KDM3A: variants seen among roughly 807,000 people sequenced by gnomAD.
KDM3A encodes lysine demethylase 3A.
A neutral mutation model predicts 158.0 loss-of-function variants in KDM3A; 60 were observed. The observed-to-expected ratio is 0.38, with a 90% CI of 0.31 to 0.47. The LOEUF (loss-of-function observed/expected upper bound fraction) is 0.47. KDM3A is among the 20% of genes least tolerant of loss of function. KDM3A has a pLI of 0.99. For missense variants in KDM3A, 1,319 were observed against 1,574.3 expected, an observed-to-expected ratio of 0.84 and a Z score of 2.74; for synonymous variants, 608 against 549.3, an observed-to-expected ratio of 1.11 and a Z score of -1.49.
intron 4 of KDM3A, among the ~76,000 whole-genome samples, chr2:86,453,066 ATCT>A (rs1428287622): frequency 6.6e-6 from 1 of 152,178 alleles, no homozygotes; most frequent in East Asian, 1.9e-4. Context: ...CTGAATTTAC[ATCT>A]TTCCTGTATT....
At position 86,474,702 on chromosome 2, in the gene KDM3A, TGTGTGTGTGTG is replaced by T. The variant is rs1393209051; in HGVS notation, c.1725-73_1725-63del. 4.2e-4 allele frequency: 170 copies of T among 401,124 alleles called. 1 individual carries two copies. The highest frequency in any genetic ancestry group is 6.9e-4 in the Admixed American group (15 of 21,746). The allele number at this position is 401,124 out of a possible 1,614,324, so 24.8% of individuals were successfully genotyped here. ...AAGTAATTACAAGTTGTAAATAAGT[TGTGTGTGTGTG>T]TGTGTGTGTGTGTGTGTGTGTGTGT... On this transcript the variant is annotated intron_variant, in intron 11 of 25. Transcript: ENST00000312912.
intron 2 of KDM3A, among the ~76,000 whole-genome samples, chr2:86,445,487 C>T (rs1573137569): frequency 1.3e-5 from 2 of 152,128 alleles, no homozygotes; most frequent in Admixed American, 6.5e-5. Context: ...TCTTTGAAGC[C>T]TACCTTTTTC....
chr2:86,483,639 C>T (rs1291802202), intron 18 of KDM3A: 2 of 162,176 alleles, frequency 1.2e-5, no homozygotes, highest in Non-Finnish European at 2.7e-5. Flanking sequence ...ACGGTGGGGT[C>T]AGTCACCCTG....
intron 3 of KDM3A, among the ~76,000 whole-genome samples, chr2:86,450,724 T>G (rs1672421330): frequency 6.6e-6 from 1 of 152,138 alleles, no homozygotes; most frequent in Non-Finnish European, 1.5e-5. Context: ...TCTTGAGAGA[T>G]GAGGGTTGTG....
rs924419633 is a variant in KDM3A, at chr2:86,441,395, C to G, written c.-80C>G. 5 of 152,312 alleles carry G rather than the reference C, an allele frequency of 3.3e-5. No individual in the cohort carries two copies. Among genetic ancestry groups the G allele is most frequent in the African/African-American group, 7.2e-5 (3 of 41,444 alleles). The allele number at this position is 152,312 out of a possible 1,614,324, so 9.4% of individuals were successfully genotyped here. On this transcript the variant is annotated 5_prime_UTR_variant, in exon 1 of 26. Transcript: ENST00000312912. ...CAAGTCAGCGCTGGAGTCGGCTAGG[C>G]GGCTGGAAACGGCGGCTGCCGCCGG...
intron 8 of KDM3A, among the ~76,000 whole-genome samples, chr2:86,463,182 C>G (rs1356747998): frequency 6.6e-6 from 1 of 152,130 alleles, no homozygotes; most frequent in Non-Finnish European, 1.5e-5. Flanking sequence ...TTTGGAGATT[C>G]TTCAAGTTTA....
At chr2:86,439,590 ATATT>A (rs778914199), upstream of KDM3A, among the ~76,000 whole-genome samples, 2 of 152,098 alleles carry the variant, frequency 1.3e-5, no homozygotes, top group African/African-American at 2.4e-5. Flanking sequence ...TTTCAAATTA[ATATT>A]TAATTACATA....
intron 11 of KDM3A, among the ~76,000 whole-genome samples, chr2:86,473,303 G>A (rs1182373486): frequency 6.6e-6 from 1 of 152,266 alleles, no homozygotes; most frequent in Non-Finnish European, 1.5e-5. Flanking sequence ...TAGGACTACA[G>A]GCTTGTGCTA....
At chr2:86,465,214 G>C (rs971190266) in intron 9 of KDM3A, among the ~76,000 whole-genome samples, 3 of 152,194 alleles carry the variant, frequency 2.0e-5, no homozygotes, top group African/African-American at 7.2e-5. Flanking sequence ...TCCCTAGTAA[G>C]ATGTACAGGG....
At position 86,470,219 on chromosome 2, in the gene KDM3A, C is replaced by T. The variant is rs753743059; in HGVS notation, c.1535C>T (p.Ser512Leu). ...GTTTTCCTAGCCCCATCCAGGAAGT[C>T]GGTTTTGACAGACCCAGCTAAACTC... ...NKIQNAPSRK[S>L]VLTDPAKLKK... Residue 512 changes from serine (S) to leucine (L), a missense_variant, in exon 11 of 26, where the codon TCG (serine) becomes TTG (leucine). By Grantham distance (145) the Ser-to-Leu change is moderately radical (BLOSUM62 -2). This residue lies in a region of KDM3A where 652 missense variants were observed against 627.2 expected (regional missense o/e 1.04). Coordinates refer to ENST00000312912, the MANE Select transcript of KDM3A (RefSeq NM_018433.6). 9.9e-6 allele frequency: 16 copies of T among 1,613,868 alleles called. No individual in the cohort carries two copies. The highest frequency in any genetic ancestry group is 3.3e-5 in the Admixed American group (2 of 59,986).
intron 2 of KDM3A, among the ~76,000 whole-genome samples, chr2:86,443,691 C>G (rs567837123): frequency 6.6e-6 from 1 of 152,180 alleles, no homozygotes; most frequent in Non-Finnish European, 1.5e-5. Context: ...AACCATCAGG[C>G]CAGTGATCAA....
intron 23 of KDM3A, 98 bp from the exon 24 acceptor site, chr2:86,490,783 C>A: frequency 1.2e-6 from 1 of 826,074 alleles, no homozygotes; most frequent in Non-Finnish European, 1.9e-6. Flanking sequence ...TGAAGAAGGC[C>A]TGACATTTAT....
At chr2:86,481,864 A>G (rs1392113819) in intron 16 of KDM3A, 66 bp from the exon 17 acceptor site, 3 of 1,238,982 alleles carry the variant, frequency 2.4e-6, no homozygotes, top group Non-Finnish European at 3.5e-6. Context: ...TTCTGCTAGT[A>G]GAATACTAAT....
chr2:86,480,284 C>T lies in KDM3A; in HGVS notation c.2434C>T (p.Pro812Ser), dbSNP rs373927646. 1.2e-5 allele frequency: 19 copies of T among 1,613,956 alleles called. No individual in the cohort carries two copies. The highest frequency in any genetic ancestry group is 1.5e-5 in the Non-Finnish European group (18 of 1,180,032). Residue 812 changes from proline (P) to serine (S), a missense_variant, in exon 16 of 26, where the codon CCT becomes TCT. This residue lies in a region of KDM3A where 368 missense variants were observed against 415.8 expected (regional missense o/e 0.89). Coordinates refer to ENST00000312912, the MANE Select transcript of KDM3A (RefSeq NM_018433.6). ...CTCCAAGCCAGCCGGCAGCATGAAGCCTGCCTGTCCAGCCAGCACATCTCC... is the reference window on the plus strand; with the variant it reads ...CTCCAAGCCAGCCGGCAGCATGAAGTCTGCCTGTCCAGCCAGCACATCTCC... Reference protein sequence around the residue: ...AASKPAGSMKPACPASTSPLN... With the variant: ...AASKPAGSMKSACPASTSPLN...
rs749118305 is a variant in KDM3A at position 86,491,194 on chromosome 2, G to C, written c.3804G>C (p.Glu1268Asp). ...TGGCTGAAGATTTTGTTTCTCCAGA[G>C]CATGTTAAACACTGCTTCTGGCTTA... ...IKVAEDFVSP[E>D]HVKHCFWLTQ... The change falls in exon 25 of 26, where the codon GAG (glutamate) becomes GAC (aspartate). Residue 1268 changes from glutamate (E) to aspartate (D), a missense_variant. This residue lies in a region of KDM3A where 186 missense variants were observed against 340.9 expected (regional missense o/e 0.55). Transcript: ENST00000312912. The C allele has an allele frequency of 6.2e-7, 1 of 1,613,618 alleles. No homozygotes were observed. Among genetic ancestry groups the C allele is most frequent in the Non-Finnish European group, 8.5e-7 (1 of 1,179,580 alleles).
At chr2:86,448,943 TGCTTTTATATG>T (rs1011523379) in intron 2 of KDM3A, among the ~76,000 whole-genome samples, 24 of 152,222 alleles carry the variant, frequency 1.6e-4, no homozygotes, top group African/African-American at 5.5e-4. Context: ...AGTGTTTCAA[TGCTTTTATATG>T]ACTTTGAGTT....
chr2:86,484,598 A>G, intron 19 of KDM3A: 1 of 263,916 alleles, frequency 3.8e-6, no homozygotes. Context: ...AGTGGGCAAA[A>G]GGGAGCGGCT....
chr2:86,484,376 A>G (rs1347982689), intron 19 of KDM3A, among the ~76,000 whole-genome samples: 1 of 152,212 alleles, frequency 6.6e-6, no homozygotes, highest in Non-Finnish European at 1.5e-5. Context: ...CCTGGACAGA[A>G]CATCAGATAG....
At chr2:86,461,093 A>G (rs1037501344) in intron 8 of KDM3A, among the ~76,000 whole-genome samples, 2 of 152,164 alleles carry the variant, frequency 1.3e-5, no homozygotes, top group African/African-American at 4.8e-5. Flanking sequence ...GCCAGGCACT[A>G]TGGTAAAAGC....
Sources: gnomAD v4.1 joint callset for allele counts (sites outside exome capture counted in the v4.1 genomes callset) on GRCh38, gnomAD v4.1.1 for gene constraint, gnomAD v4.1.1 regional missense constraint, MANE v1.5 for transcripts, NCBI Gene and HGNC (gene_info 2026-07-23, HGNC 2026-07-21) for gene names.